Variants in NHSL2 observed in about 807,000 individuals in gnomAD.
The protein encoded by NHSL2 is NHS like 2, also known as NHS-like protein 2.
A neutral mutation model predicts 53.4 loss-of-function variants in NHSL2; 27 were observed. The observed-to-expected ratio is 0.51, with a 90% CI of 0.37 to 0.70. NHSL2 has a LOEUF of 0.70. Ranked by LOEUF, NHSL2 falls within the 30% of genes least tolerant of loss-of-function variation. NHSL2 has a pLI of 0.00. For missense variants in NHSL2, 892 were observed against 980.1 expected, an observed-to-expected ratio of 0.91 and a Z score of 1.20; for synonymous variants, 408 against 404.1, an observed-to-expected ratio of 1.01 and a Z score of -0.12.
At chrX:72,132,022 C>A in intron 1 of NHSL2, 57 bp from the exon 2 acceptor site, 1 of 1,144,210 alleles carries the variant, frequency 8.7e-7, no homozygotes, top group South Asian at 1.9e-5. Context: ...CACTGGCCGC[C>A]GCGCGCCGCT....
intron 1 of NHSL2, among the ~76,000 whole-genome samples, chrX:71,966,385 A>G (rs1465792319): frequency 8.9e-6 from 1 of 111,965 alleles, no homozygotes; most frequent in Non-Finnish European, 1.9e-5. Flanking sequence ...TCTTTGGGAA[A>G]GTTTCAAATT....
chrX:72,143,091 A>G (rs990881996), intron 7 of NHSL2, among the ~76,000 whole-genome samples, 162 bp from the exon 8 acceptor site: 16 of 111,610 alleles, frequency 1.4e-4, no homozygotes, highest in African/African-American at 4.9e-4. Flanking sequence ...GGAGGGCCCA[A>G]CAAGGGACTC....
intron 1 of NHSL2, among the ~76,000 whole-genome samples, chrX:71,926,014 C>T (rs374934016): frequency 1.8e-5 from 2 of 111,129 alleles, no homozygotes; most frequent in Admixed American, 9.5e-5. Context: ...TAGTGGATTG[C>T]AAGAGATTCA....
chrX:72,072,354 G>A (rs759737619), intron 1 of NHSL2, among the ~76,000 whole-genome samples: 16 of 111,866 alleles, frequency 1.4e-4, no homozygotes, highest in Non-Finnish European at 2.8e-4. Flanking sequence ...GCAAAAGTTG[G>A]GAAACTGAGA....
intron 1 of NHSL2, among the ~76,000 whole-genome samples, chrX:72,083,849 C>T (rs1388250056): frequency 8.9e-6 from 1 of 111,987 alleles, no homozygotes; most frequent in Non-Finnish European, 1.9e-5. Context: ...TTTCTGAGCA[C>T]CAAGTTCCTA....
At chrX:72,063,230 G>A (rs755153761) in intron 1 of NHSL2, among the ~76,000 whole-genome samples, 3 of 111,981 alleles carry the variant, frequency 2.7e-5, no homozygotes, top group African/African-American at 9.7e-5. Flanking sequence ...ACAGCCTCCT[G>A]CCTCCCCCAA....
At chrX:72,105,889 T>C (rs1485638100) in intron 1 of NHSL2, among the ~76,000 whole-genome samples, 1 of 112,363 alleles carries the variant, frequency 8.9e-6, no homozygotes, top group Non-Finnish European at 1.9e-5. Context: ...CCCCAAACCT[T>C]TGAAATTTAC....
Position 72,035,902 on chromosome X carries a change from C to T in NHSL2, c.281-96177C>T, listed in dbSNP as rs184246490. Reference sequence around the variant, plus strand: ...ACCGGGCAGCACAGCAGGAGGTGAGCGGCAGGGCAAGGAAGTATTACCACC... The same window carrying T: ...ACCGGGCAGCACAGCAGGAGGTGAGTGGCAGGGCAAGGAAGTATTACCACC... On this transcript the variant is annotated intron_variant, in intron 1 of 7. Coordinates refer to ENST00000633930, the MANE Select transcript of NHSL2 (RefSeq NM_001013627.3). Among the ~76,000 whole-genome samples the T allele has an allele frequency of 2.9e-3, 325 of 111,693 alleles. 1 individual carries two copies. Among genetic ancestry groups the T allele is most frequent in the African/African-American group, 0.01 (311 of 30,672 alleles).
intron 1 of NHSL2, among the ~76,000 whole-genome samples, chrX:71,929,074 G>T (rs1288378800): frequency 1.8e-5 from 2 of 111,675 alleles, no homozygotes; most frequent in Non-Finnish European, 1.9e-5. Flanking sequence ...CAGTTTTACA[G>T]GGCAAGCTGA....
intron 1 of NHSL2, among the ~76,000 whole-genome samples, chrX:71,976,937 TGGGG>T (rs2041951177): frequency 8.9e-6 from 1 of 112,504 alleles, no homozygotes; most frequent in Admixed American, 9.4e-5. Context: ...CGGGGTGGGT[TGGGG>T]CCAGGATATG....
intron 1 of NHSL2, among the ~76,000 whole-genome samples, chrX:71,993,834 C>T (rs1275567736): frequency 9.2e-6 from 1 of 108,885 alleles, no homozygotes; most frequent in African/African-American, 3.4e-5. Flanking sequence ...TGTCTTTTTA[C>T]ATTACTTTTG....
At chrX:72,089,184 T>C (rs1211435284) in intron 1 of NHSL2, among the ~76,000 whole-genome samples, 1 of 109,277 alleles carries the variant, frequency 9.2e-6, no homozygotes, top group Admixed American at 9.8e-5. Context: ...TCCTCATCAA[T>C]GAAATGAGAA....
At chrX:71,961,415 TCC>T (rs1209693832) in intron 1 of NHSL2, among the ~76,000 whole-genome samples, 2 of 76,460 alleles carry the variant, frequency 2.6e-5, no homozygotes, top group East Asian at 8.9e-4. Flanking sequence ...CCTCCCTCCC[TCC>T]CTCTCTCCCT....
At chrX:71,928,749 A>G (rs1393627901) in intron 1 of NHSL2, among the ~76,000 whole-genome samples, 1 of 111,282 alleles carries the variant, frequency 9.0e-6, no homozygotes, top group Non-Finnish European at 1.9e-5. Context: ...TTGGGCTGTC[A>G]TAGGTGGTTT....
At chrX:71,947,622 G>A (rs1273140206) in intron 1 of NHSL2, among the ~76,000 whole-genome samples, 1 of 111,737 alleles carries the variant, frequency 8.9e-6, no homozygotes, top group Non-Finnish European at 1.9e-5. Context: ...TTCATAAATT[G>A]TGTCATTCAT....
intron 1 of NHSL2, among the ~76,000 whole-genome samples, chrX:71,936,610 G>A (rs1569464237): frequency 8.9e-6 from 1 of 112,202 alleles, no homozygotes; most frequent in Non-Finnish European, 1.9e-5. Flanking sequence ...GTTTGCAAGG[G>A]AGTGCCACTT....
At chrX:72,038,039 C>T (rs1390088853) in intron 1 of NHSL2, among the ~76,000 whole-genome samples, 1 of 112,237 alleles carries the variant, frequency 8.9e-6, no homozygotes, top group Non-Finnish European at 1.9e-5. Flanking sequence ...GTTTCGGCAG[C>T]ACAGGACTCA....
At chrX:71,966,908 C>T (rs1048711705) in intron 1 of NHSL2, among the ~76,000 whole-genome samples, 2 of 111,739 alleles carry the variant, frequency 1.8e-5, no homozygotes, top group African/African-American at 6.5e-5. Context: ...CACCAGTGAA[C>T]CCATCTGAAC....
In NHSL2 at chrX:71,994,298, CTGTG is replaced by C. The variant is rs10673341; in HGVS notation, c.280+82959_280+82962del. Among the ~76,000 whole-genome samples, 11 of 90,079 alleles carry C rather than the reference CTGTG, an allele frequency of 1.2e-4. No homozygotes were observed. In the East Asian group the frequency reaches 1.8e-3, roughly 15 times the overall value. 78.2% of individuals were successfully genotyped at this position (90,079 alleles called of 115,157 possible). Reference sequence around the variant, plus strand: ...GAGAGATCCCTGAGGGAGGCTCCCTCTGTGTGTGTGTGTGTGTGTGTGTGTGTGT... The same window carrying C: ...GAGAGATCCCTGAGGGAGGCTCCCTCTGTGTGTGTGTGTGTGTGTGTGTGT... On this transcript the variant is annotated intron_variant, in intron 1 of 7. Coordinates refer to ENST00000633930, the MANE Select transcript of NHSL2 (RefSeq NM_001013627.3).
Sources: allele counts gnomAD v4.1 joint callset (sites outside exome capture counted in the v4.1 genomes callset), GRCh38; gene constraint gnomAD v4.1.1; transcripts MANE v1.5; gene names NCBI Gene and HGNC (gene_info 2026-07-23, HGNC 2026-07-21).